Variants in TXNDC2 observed in about 807,000 individuals in gnomAD.
TXNDC2 encodes the protein thioredoxin domain-containing protein 2.
TXNDC2 carries 1 observed loss-of-function variant against 0.4 expected under a neutral mutation model. That is an observed-to-expected ratio of 2.30 (90% CI 0.82 to 10.89). TXNDC2 has a LOEUF of 10.89. Among genes scored for constraint, TXNDC2 ranks in the 30% most tolerant of loss-of-function variants. The pLI, the probability that TXNDC2 is intolerant of heterozygous loss-of-function variation, is 0.12. For synonymous variants in TXNDC2, 183 were observed against 224.6 expected (o/e 0.81, Z 1.66); for missense variants, 509 against 579.8 (o/e 0.88, Z 1.25).
chr18:9,887,700 C>A lies in TXNDC2; in HGVS notation c.1020C>A (p.Ser340=). 6.2e-7 allele frequency: 1 copy of A among 1,613,082 alleles called. No individual in the cohort carries two copies. The highest frequency in any genetic ancestry group is 8.5e-7 in the Non-Finnish European group (1 of 1,179,708). ...IPPKEIDIPK[S]PEETIQPKED... ...CCAAGGAGATTGACATCCCCAAGTC[C>A]CCAGAAGAAACCATCCAGCCCAAGG... Residue 340 remains serine (S), a synonymous_variant, in exon 2 of 2, where the codon TCC becomes TCA. Transcript: ENST00000357775.
Position 9,887,762 on chromosome 18 carries a change from CAT to C in TXNDC2, c.1083_1084del (p.Ser362GlnfsTer4). 6.2e-7 allele frequency: 1 copy of C among 1,613,272 alleles called. No homozygotes were observed. The highest frequency in any genetic ancestry group is 1.1e-5 in the South Asian group (1 of 91,016). On this transcript the variant is annotated frameshift_variant, in exon 2 of 2. Transcript: ENST00000357775. LOFTEE classifies it low-confidence loss of function (END_TRUNC). ...CCCAAGTCCCTAGAAGAAGCCACCCCATCCAAGGAGGGTGACATCCTAAAGCC... is the reference window on the plus strand; with the variant it reads ...CCCAAGTCCCTAGAAGAAGCCACCCCCCAAGGAGGGTGACATCCTAAAGCC...
At position 9,887,279 on chromosome 18, in the gene TXNDC2, G is replaced by A. The variant is rs776149657; in HGVS notation, c.599G>A (p.Gly200Asp). 5.0e-6 allele frequency: 8 copies of A among 1,597,366 alleles called. No homozygotes were observed. The highest frequency in any genetic ancestry group is 2.2e-5 in the South Asian group (2 of 89,822). The change falls in exon 2 of 2, where the codon GGC (glycine) becomes GAC (aspartate). Residue 200 changes from glycine to aspartate, a missense_variant. By Grantham distance (94) the Gly-to-Asp change is moderately conservative. Transcript: ENST00000357775. Reference protein sequence around the residue: ...SSAKPIQPKLGNIPKASVKPS... With the variant: ...SSAKPIQPKLDNIPKASVKPS... ...GCAAAGCCCATCCAGCCCAAGCTGG[G>A]CAATATTCCCAAGGCCTCAGTGAAG...
rs1454005535 is a variant in TXNDC2, at chr18:9,886,263, CA to C, written c.-93+185del. On this transcript the variant is annotated intron_variant, in intron 1 of 1. Transcript: ENST00000357775. ...ATGAGGCTGGGCACTCAGGAAGAAA[CA>C]AGTGAAGGTGATGCTAATGGTAAGT... 3 of 1,613,816 alleles carry C rather than the reference CA, an allele frequency of 1.9e-6. No individual in the cohort carries two copies. The African/African-American group carries it at 4.0e-5, about 22-fold the overall frequency.
At chr18:9,886,548 G>GATTTATTTTATTTTATTTT in intron 1 of TXNDC2, 41 bp from the exon 2 acceptor site, 1 of 1,396,032 alleles carries the variant, frequency 7.2e-7, no homozygotes, top group East Asian at 2.5e-5. Context: ...ATTTCTATTT[G>GATTTATTTTATTTTATTTT]ATTTATTTTA....
chr18:9,886,713 G>A lies in TXNDC2; in HGVS notation c.33G>A (p.Glu11=), dbSNP rs780071315. The A allele has an allele frequency of 6.2e-7, 1 of 1,613,968 alleles. No individual in the cohort carries two copies. Among genetic ancestry groups the A allele is most frequent in the Non-Finnish European group, 8.5e-7 (1 of 1,180,024 alleles). ...GCCACACGTTCCACATGCGCACAGAGGAGTCTGATGCCTCACAGGAGGGCG... is the reference window on the plus strand; with the variant it reads ...GCCACACGTTCCACATGCGCACAGAAGAGTCTGATGCCTCACAGGAGGGCG... MVSHTFHMRT[E]ESDASQEGDD... Residue 11 remains glutamate, a synonymous_variant, in exon 2 of 2, where the codon GAG becomes GAA. Coordinates refer to ENST00000357775, the MANE Select transcript of TXNDC2 (RefSeq NM_032243.6).
chr18:9,886,186 C>G, intron 1 of TXNDC2, 106 bp downstream of exon 1: 1 of 1,613,844 alleles, frequency 6.2e-7, no homozygotes, highest in South Asian at 1.1e-5. Context: ...TGGATGTAGA[C>G]AAGGAACTAG....
rs2068950107 is a variant in TXNDC2, at chr18:9,886,503, G to A, written c.-92-86G>A. ...CGAAGAGTGACATCAGTCTTCCTTG[G>A]AATATGAAGAGAATTTCTTTGGTTC... On this transcript the variant is annotated intron_variant, in intron 1 of 1. Coordinates refer to ENST00000357775, the MANE Select transcript of TXNDC2 (RefSeq NM_032243.6). 17 of 1,188,260 alleles carry A rather than the reference G, an allele frequency of 1.4e-5. No individual in the cohort carries two copies. In the South Asian group the frequency reaches 2.9e-4, roughly 20 times the overall value. The allele number at this position is 1,188,260 out of a possible 1,614,324, so 73.6% of individuals were successfully genotyped here.
intron 1 of TXNDC2, chr18:9,886,327 T>G (rs2068948855): frequency 3.9e-6 from 6 of 1,552,572 alleles, no homozygotes; most frequent in Non-Finnish European, 5.3e-6. Context: ...ACCTATGCAG[T>G]TAGGGAGCGG....
In TXNDC2 at chr18:9,889,130, A is replaced by G. The variant is rs1239850439; in HGVS notation, c.*989A>G. ...GTCCAGAGTGGGTTTTTAAAAATGAATAAAACCAGCTTCATTAGGTATAAT... is the reference window on the plus strand; with the variant it reads ...GTCCAGAGTGGGTTTTTAAAAATGAGTAAAACCAGCTTCATTAGGTATAAT... On this transcript the variant is annotated 3_prime_UTR_variant, in exon 2 of 2. Transcript: ENST00000357775. 1 of 152,174 alleles carries G rather than the reference A, an allele frequency of 6.6e-6. No individual in the cohort carries two copies. Among genetic ancestry groups the G allele is most frequent in the Non-Finnish European group, 1.5e-5 (1 of 68,050 alleles). 9.4% of individuals were successfully genotyped at this position (152,174 alleles called of 1,614,324 possible).
chr18:9,886,525 G>A (rs2068950245), intron 1 of TXNDC2, 64 bp from the exon 2 acceptor site: 9 of 1,352,694 alleles, frequency 6.7e-6, no homozygotes, highest in Non-Finnish European at 8.9e-6. Flanking sequence ...AATTTCTTTG[G>A]TTCTTCTTTT....
Position 9,887,208 on chromosome 18 carries a change from A to G in TXNDC2, c.528A>G (p.Pro176=), listed in dbSNP as rs62078800. 39,681 of 1,606,672 alleles carry G rather than the reference A, an allele frequency of 0.025. 563 individuals are homozygous for G. The highest frequency in any genetic ancestry group is 0.043 in the Middle Eastern group (258 of 6,024). The change falls in exon 2 of 2, where the codon CCA becomes CCG. Residue 176 remains proline, a synonymous_variant. Transcript: ENST00000357775. ...QPKESDIPKS[P]EETIQPKEGD... Reference sequence around the variant, plus strand: ...AGGAGAGTGATATCCCCAAGTCCCCAGAAGAAACCATCCAGCCCAAGGAGG... The same window carrying G: ...AGGAGAGTGATATCCCCAAGTCCCCGGAAGAAACCATCCAGCCCAAGGAGG...
At position 9,888,168 on chromosome 18, in the gene TXNDC2, A is replaced by G. The variant is rs114407167; in HGVS notation, c.*27A>G. ...CATGTATTCTGAAAACATTGCAGAC[A>G]GTCAGGTGTTTATAGCTTTTGAGTT... On this transcript the variant is annotated 3_prime_UTR_variant, in exon 2 of 2. Transcript: ENST00000357775. The G allele has an allele frequency of 4.4e-4, 686 of 1,543,636 alleles. 3 individuals are homozygous for G. The African/African-American group carries it at 8.0e-3, about 18-fold the overall frequency.
chr18:9,886,514 G>T (rs761528948), intron 1 of TXNDC2, 75 bp from the exon 2 acceptor site: 28 of 1,276,806 alleles, frequency 2.2e-5, no homozygotes, highest in Non-Finnish European at 2.9e-5. Context: ...AATATGAAGA[G>T]AATTTCTTTG....
In TXNDC2 at chr18:9,886,735, G is replaced by A; in HGVS notation, c.55G>A (p.Gly19Ser). 6.2e-7 allele frequency: 1 copy of A among 1,614,054 alleles called. No homozygotes were observed. Among genetic ancestry groups the A allele is most frequent in the Non-Finnish European group, 8.5e-7 (1 of 1,180,018 alleles). ...RTEESDASQE[G>S]DDLPKSSANT... ...AGAGGAGTCTGATGCCTCACAGGAG[G>A]GCGATGACCTACCCAAGTCCTCAGC... The change falls in exon 2 of 2, where the codon GGC becomes AGC. Residue 19 changes from glycine to serine, a missense_variant. Coordinates refer to ENST00000357775, the MANE Select transcript of TXNDC2 (RefSeq NM_032243.6).
intron 1 of TXNDC2, 63 bp downstream of exon 1, chr18:9,886,143 C>G: frequency 1.3e-6 from 2 of 1,594,278 alleles, no homozygotes. Flanking sequence ...AGGGTACGGC[C>G]TTTACTATGA....
chr18:9,887,313 G>A lies in TXNDC2; in HGVS notation c.633G>A (p.Gln211=). 6.3e-7 allele frequency: 1 copy of A among 1,593,944 alleles called. No homozygotes were observed. ...NIPKASVKPS[Q]PKEGDISKSP... ...CCAAGGCCTCAGTGAAGCCCAGCCAGCCCAAGGAGGGTGACATCTCCAAGT... is the reference window on the plus strand; with the variant it reads ...CCAAGGCCTCAGTGAAGCCCAGCCAACCCAAGGAGGGTGACATCTCCAAGT... The change falls in exon 2 of 2, where the codon CAG becomes CAA. Residue 211 remains glutamine, a synonymous_variant. Coordinates refer to ENST00000357775, the MANE Select transcript of TXNDC2 (RefSeq NM_032243.6).
Position 9,887,129 on chromosome 18 carries a change from T to C in TXNDC2, c.449T>C (p.Ile150Thr), listed in dbSNP as rs1567882524. ...ATCCCCAAGTCCTCAGCAAAACCCA[T>C]CCAGCCCAAGCTGGGCAATATTGCC... ...GDIPKSSAKP[I>T]QPKLGNIAKT... Residue 150 changes from isoleucine (I) to threonine (T), a missense_variant, in exon 2 of 2, where the codon ATC becomes ACC. Around this residue, in one of 5 missense-constraint regions of TXNDC2, gnomAD observed 187 missense variants for 218.0 expected, o/e 0.86. Transcript: ENST00000357775. 2.5e-6 allele frequency: 4 copies of C among 1,593,246 alleles called. No homozygotes were observed. The highest frequency in any genetic ancestry group is 3.4e-6 in the Non-Finnish European group (4 of 1,168,032).
Position 9,887,731 on chromosome 18 carries a change from G to T in TXNDC2, c.1051G>T (p.Asp351Tyr). Residue 351 changes from aspartate (D) to tyrosine (Y), a missense_variant, in exon 2 of 2, where the codon GAC becomes TAC. This residue lies in a region of TXNDC2 where 229 missense variants were observed against 243.8 expected (regional missense o/e 0.94). Coordinates refer to ENST00000357775, the MANE Select transcript of TXNDC2 (RefSeq NM_032243.6). The part of the protein sequence containing the change: ...PEETIQPKED[D>Y]SPKSLEEATP... ...AGAAACCATCCAGCCCAAGGAGGAT[G>T]ACAGCCCCAAGTCCCTAGAAGAAGC... is the stretch of plus-strand genomic sequence containing the variant. 1 of 1,614,150 alleles carries T rather than the reference G, an allele frequency of 6.2e-7. No individual in the cohort carries two copies. The highest frequency in any genetic ancestry group is 8.5e-7 in the Non-Finnish European group (1 of 1,180,002).
rs1464704272 is a variant in TXNDC2, at chr18:9,889,163, C to G, written c.*1022C>G. 2.6e-5 allele frequency: 4 copies of G among 152,198 alleles called. No individual in the cohort carries two copies. In the East Asian group the frequency reaches 7.7e-4, roughly 29 times the overall value. The allele number at this position is 152,198 out of a possible 1,614,324, so 9.4% of individuals were successfully genotyped here. On this transcript the variant is annotated 3_prime_UTR_variant, in exon 2 of 2. Transcript: ENST00000357775. ...AGCTTCATTAGGTATAATTGATATA[C>G]AAAGAACAGCACATATTTAATGGAG...
Sources: gnomAD v4.1 joint callset for allele counts on GRCh38, gnomAD v4.1.1 for gene constraint, gnomAD v4.1.1 regional missense constraint, MANE v1.5 for transcripts, NCBI Gene and HGNC (gene_info 2026-07-23, HGNC 2026-07-21) for gene names.